Variants in AKAP8L observed in about 807,000 individuals in gnomAD.
AKAP8L encodes the protein A-kinase anchor protein 8-like.
AKAP8L carries 34 observed loss-of-function variants against 77.5 expected under a neutral mutation model. That is an observed-to-expected ratio of 0.44 (90% CI 0.33 to 0.58). The LOEUF (loss-of-function observed/expected upper bound fraction) is 0.58, where lower values mean the gene tolerates loss of function less well. AKAP8L is among the 20% of genes least tolerant of loss of function. The probability of loss-of-function intolerance (pLI) is 0.02; values close to 1 mark genes in which losing one functional copy is unlikely to be tolerated. For missense variants in AKAP8L, 806 were observed against 887.6 expected (o/e 0.91, Z 1.17); for synonymous variants, 342 against 340.7 (o/e 1.00, Z -0.04).
Position 15,401,056 on chromosome 19 carries a change from G to C in AKAP8L, c.817-13C>G, listed in dbSNP as rs115999186. ...TCTTCTTCTTGGTCTGGGTCATAAGGGGGGGAAGCCGTGTCAGGGTGCATG... is the reference window on the plus strand; with the variant it reads ...TCTTCTTCTTGGTCTGGGTCATAAGCGGGGGAAGCCGTGTCAGGGTGCATG... On this transcript the variant is annotated splice_polypyrimidine_tract_variant and intron_variant, in intron 5 of 13. Coordinates refer to ENST00000397410, the MANE Select transcript of AKAP8L (RefSeq NM_014371.4). The surrounding 1 kb of genome is among the most constrained non-coding windows in gnomAD (Gnocchi z 6.2). The C allele has an allele frequency of 6.2e-4, 998 of 1,611,426 alleles. 3 individuals are homozygous for C. The South Asian group carries it at 8.6e-3, about 14-fold the overall frequency.
At chr19:15,407,262 AT>A (rs1241990554) in intron 2 of AKAP8L, among the ~76,000 whole-genome samples, 1 of 152,328 alleles carries the variant, frequency 6.6e-6, no homozygotes, top group Non-Finnish European at 1.5e-5. Flanking sequence ...TCTTAAAAAA[AT>A]AAAATAAAAT....
intron 4 of AKAP8L, among the ~76,000 whole-genome samples, chr19:15,402,052 G>A (rs554763923): frequency 1.7e-4 from 26 of 152,304 alleles, no homozygotes; most frequent in African/African-American, 5.3e-4. Context: ...ATACCCATGG[G>A]AAACACTGTT....
chr19:15,384,210 C>A (rs562306679), intron 12 of AKAP8L, among the ~76,000 whole-genome samples: 1 of 151,480 alleles, frequency 6.6e-6, no homozygotes, highest in Non-Finnish European at 1.5e-5. Context: ...GGATTATAGG[C>A]GTGAGCCACC....
At position 15,399,066 on chromosome 19, in the gene AKAP8L, C is replaced by T. The variant is rs1285185616; in HGVS notation, c.1157+236G>A. On this transcript the variant is annotated intron_variant, in intron 9 of 13. Transcript: ENST00000397410. This position sits in a 1 kb window ranked among gnomAD's most constrained non-coding sequence, Gnocchi z 6.1. ...AGAGCTTCTGAGCAACGGTGCCGAG[C>T]GGTGTCAGGTCTCGGCCCACAGACG... 14 of 550,714 alleles carry T rather than the reference C, an allele frequency of 2.5e-5. No individual in the cohort carries two copies. Among genetic ancestry groups the T allele is most frequent in the South Asian group, 4.0e-5 (2 of 49,848 alleles). The allele number at this position is 550,714 out of a possible 1,614,324, so 34.1% of individuals were successfully genotyped here.
intron 1 of AKAP8L, among the ~76,000 whole-genome samples, chr19:15,415,694 G>T (rs559529154): frequency 6.6e-6 from 1 of 152,084 alleles, no homozygotes; most frequent in South Asian, 2.1e-4. Context: ...AGACCATCCT[G>T]GCTAACAAGG....
In AKAP8L at chr19:15,399,313, G is replaced by A. The variant is rs973551595; in HGVS notation, c.1146C>T (p.Arg382=). The change falls in exon 9 of 14, where the codon CGC becomes CGT. Residue 382 remains arginine (R), a synonymous_variant. Coordinates refer to ENST00000397410, the MANE Select transcript of AKAP8L (RefSeq NM_014371.4). The surrounding 1 kb of genome is among the most constrained non-coding windows in gnomAD (Gnocchi z 6.1). ...GGGAAGCTGGTTACCTTTCCACCATGCGGTCTCGCTGCCGCTTTTTCTGCT... is the reference window on the plus strand; with the variant it reads ...GGGAAGCTGGTTACCTTTCCACCATACGGTCTCGCTGCCGCTTTTTCTGCT... The part of the protein sequence containing the change: ...QDKQKKRQRD[R]MVERIQFVCS... 4.5e-5 allele frequency: 72 copies of A among 1,613,664 alleles called. 1 individual carries two copies. The East Asian group carries it at 1.6e-3, about 35-fold the overall frequency.
At chr19:15,416,563 T>C (rs1968211318) in intron 1 of AKAP8L, among the ~76,000 whole-genome samples, 4 of 152,362 alleles carry the variant, frequency 2.6e-5, no homozygotes, top group African/African-American at 9.6e-5. Context: ...CAGATGACTC[T>C]AGTCCACATA....
At chr19:15,405,137 G>A (rs575109589) in intron 2 of AKAP8L, among the ~76,000 whole-genome samples, 1 of 152,340 alleles carries the variant, frequency 6.6e-6, no homozygotes, top group African/African-American at 2.4e-5. Flanking sequence ...TGGTAAGAGA[G>A]ATGCTAACAG....
chr19:15,403,445 G>C lies in AKAP8L; in HGVS notation c.362+30C>G. On this transcript the variant is annotated intron_variant, in intron 4 of 13. Transcript: ENST00000397410. The surrounding 1 kb of genome is among the most constrained non-coding windows in gnomAD (Gnocchi z 4.3). ...AGCAGGCAGGAGCCGCCCCTGCAGA[G>C]TCTCAACCCCTAGGCAGGTGTCCAC... 9.3e-6 allele frequency: 15 copies of C among 1,610,688 alleles called. No individual in the cohort carries two copies. Among genetic ancestry groups the C allele is most frequent in the Non-Finnish European group, 1.3e-5 (15 of 1,177,152 alleles).
chr19:15,418,753 G>A (rs1335446928), intron 1 of AKAP8L, among the ~76,000 whole-genome samples, 158 bp downstream of exon 1: 1 of 152,238 alleles, frequency 6.6e-6, no homozygotes, highest in Non-Finnish European at 1.5e-5. Context: ...GAGGCGTGAG[G>A]GCAGCGACCC....
Position 15,399,142 on chromosome 19 carries a change from G to A in AKAP8L, c.1157+160C>T, listed in dbSNP as rs891822723. The stretch of plus-strand genomic sequence containing the variant: ...GGGGCAGGGGATGAGTCAGGCCTTG[G>A]GAGCTGGGCCTGGCGGGAAGCAGGG... On this transcript the variant is annotated intron_variant, in intron 9 of 13. Transcript: ENST00000397410. This position sits in a 1 kb window ranked among gnomAD's most constrained non-coding sequence, Gnocchi z 6.1. 1.3e-5 allele frequency: 9 copies of A among 673,536 alleles called. No individual in the cohort carries two copies. Among genetic ancestry groups the A allele is most frequent in the Non-Finnish European group, 2.3e-5 (9 of 391,122 alleles). The allele number at this position is 673,536 out of a possible 1,614,324, so 41.7% of individuals were successfully genotyped here. A position where few individuals can be genotyped will look rare whatever the true frequency, so the allele number is the denominator to read the frequency against.
chr19:15,380,822 G>A (rs758300241), intron 12 of AKAP8L: 1 of 588,892 alleles, frequency 1.7e-6, no homozygotes, highest in Non-Finnish European at 3.0e-6. Context: ...CTTACTGTAG[G>A]TAAATAAAAA....
chr19:15,416,799 G>A (rs958896613), intron 1 of AKAP8L, among the ~76,000 whole-genome samples: 1 of 152,078 alleles, frequency 6.6e-6, no homozygotes. Context: ...CCTTTCCCAC[G>A]TATAAATAAG....
rs1029510041 is a variant in AKAP8L, at chr19:15,414,350, C to T, written c.14-3756G>A. Among the ~76,000 whole-genome samples the T allele has an allele frequency of 3.3e-5, 5 of 152,222 alleles. No homozygotes were observed. The East Asian group carries it at 9.7e-4, about 30-fold the overall frequency. Reference sequence around the variant, plus strand: ...GGGATTACAGGCGTGAGCCACCACGCCCGGCCTAAATTCTTAGCTGGTTTG... The same window carrying T: ...GGGATTACAGGCGTGAGCCACCACGTCCGGCCTAAATTCTTAGCTGGTTTG... On this transcript the variant is annotated intron_variant, in intron 1 of 13. Coordinates refer to ENST00000397410, the MANE Select transcript of AKAP8L (RefSeq NM_014371.4).
At chr19:15,381,014 CAG>C (rs1568259071) in intron 12 of AKAP8L, 1 of 176,978 alleles carries the variant, frequency 5.7e-6, no homozygotes, top group South Asian at 1.5e-4. Context: ...GATATAAAAA[CAG>C]GAACAGATAT....
Position 15,399,630 on chromosome 19 carries a change from C to T in AKAP8L, c.1049-220G>A. The T allele has an allele frequency of 1.7e-6, 1 of 574,382 alleles. No homozygotes were observed. Among genetic ancestry groups the T allele is most frequent in the Non-Finnish European group, 3.1e-6 (1 of 320,366 alleles). 35.6% of individuals were successfully genotyped at this position (574,382 alleles called of 1,614,324 possible). On this transcript the variant is annotated intron_variant, in intron 8 of 13. Transcript: ENST00000397410. This position sits in a 1 kb window ranked among gnomAD's most constrained non-coding sequence, Gnocchi z 6.1. ...AGTGGGGGCCAGGCGATGACCCCTCCACTCTCCAGGACACCCATGCTCTCT... is the reference window on the plus strand; with the variant it reads ...AGTGGGGGCCAGGCGATGACCCCTCTACTCTCCAGGACACCCATGCTCTCT...
chr19:15,406,362 GGAGA>G (rs3040938), intron 2 of AKAP8L, among the ~76,000 whole-genome samples: 1,304 of 89,344 alleles, frequency 0.015, 19 homozygotes, highest in East Asian at 0.071. Flanking sequence ...GAAATTTTAA[GGAGA>G]GAGAGAGAGA....
Position 15,401,721 on chromosome 19 carries a change from C to T in AKAP8L, c.363-118G>A. On this transcript the variant is annotated intron_variant, in intron 4 of 13. Coordinates refer to ENST00000397410, the MANE Select transcript of AKAP8L (RefSeq NM_014371.4). This position sits in a 1 kb window ranked among gnomAD's most constrained non-coding sequence, Gnocchi z 6.2. ...CACCCACCCTGCCCTGGTTGGGAGG[C>T]TCAATGTTCAGAAATGCCGATTAAA... The T allele has an allele frequency of 1.3e-6, 1 of 799,130 alleles. No individual in the cohort carries two copies. Among genetic ancestry groups the T allele is most frequent in the East Asian group, 2.7e-5 (1 of 37,034 alleles). The allele number at this position is 799,130 out of a possible 1,614,324, so 49.5% of individuals were successfully genotyped here. A position where few individuals can be genotyped will look rare whatever the true frequency, so the allele number is the denominator to read the frequency against.
Position 15,391,956 on chromosome 19 carries a change from C to G in AKAP8L, c.1536+5194G>C, listed in dbSNP as rs1237414942. ...GCTCAAGCCATCCTCTTACCTCAGC[C>G]TCCTGCGTAGCGGGGACTACAGGCA... On this transcript the variant is annotated intron_variant, in intron 12 of 13. Coordinates refer to ENST00000397410, the MANE Select transcript of AKAP8L (RefSeq NM_014371.4). Among the ~76,000 whole-genome samples the G allele has an allele frequency of 2.0e-5, 3 of 152,210 alleles. No individual in the cohort carries two copies. The East Asian group carries it at 5.8e-4, about 29-fold the overall frequency.
Sources: gnomAD v4.1 joint callset for allele counts (sites outside exome capture counted in the v4.1 genomes callset) on GRCh38, gnomAD v4.1.1 for gene constraint, Gnocchi (gnomAD v3.1) non-coding constraint, MANE v1.5 for transcripts, NCBI Gene and HGNC (gene_info 2026-07-23, HGNC 2026-07-21) for gene names.